PREX2: variants seen among roughly 807,000 people sequenced by gnomAD.
The protein encoded by PREX2 is phosphatidylinositol-3,4,5-trisphosphate dependent Rac exchange factor 2.
PREX2 carries 107 observed loss-of-function variants against 203.2 expected under a neutral mutation model. The ratio of observed to expected loss-of-function variants is 0.53; its 90% CI spans 0.45 to 0.62. The LOEUF (loss-of-function observed/expected upper bound fraction) is 0.62. PREX2 is among the 20% of genes least tolerant of loss of function. The pLI is 0.00. For synonymous variants in PREX2, 672 were observed against 663.6 expected (o/e 1.01, Z -0.19); for missense variants, 1,777 against 1,955.9 (o/e 0.91, Z 1.72).
intron 1 of PREX2, among the ~76,000 whole-genome samples, chr8:67,983,885 T>C (rs1806338195): frequency 1.3e-5 from 2 of 152,176 alleles, no homozygotes; most frequent in South Asian, 4.1e-4. Flanking sequence ...GGGGATGATA[T>C]TGGTCCCAGC....
intron 1 of PREX2, among the ~76,000 whole-genome samples, chr8:68,014,213 T>A (rs1213803690): frequency 1.3e-5 from 2 of 152,212 alleles, no homozygotes; most frequent in Non-Finnish European, 2.9e-5. Context: ...GATAGCAAAT[T>A]TGTGACATTT....
chr8:68,116,986 C>T (rs2129613009), intron 26 of PREX2, among the ~76,000 whole-genome samples: 1 of 152,250 alleles, frequency 6.6e-6, no homozygotes, highest in Admixed American at 6.5e-5. Flanking sequence ...CATAACCAGC[C>T]ACATAAGCTG....
At chr8:68,086,808 T>C (rs1809707588) in intron 18 of PREX2, among the ~76,000 whole-genome samples, 2 of 152,220 alleles carry the variant, frequency 1.3e-5, no homozygotes, top group African/African-American at 4.8e-5. Context: ...GTTTGCCTTC[T>C]GATGTATTAT....
intron 37 of PREX2, among the ~76,000 whole-genome samples, chr8:68,203,572 C>T (rs986107740): frequency 1.3e-5 from 2 of 152,122 alleles, no homozygotes; most frequent in African/African-American, 2.4e-5. Context: ...TTTTAGGGAA[C>T]ACACTTTGGG....
At chr8:68,143,267 C>G (rs1013761854) in intron 33 of PREX2, among the ~76,000 whole-genome samples, 19 of 148,706 alleles carry the variant, frequency 1.3e-4, no homozygotes, top group African/African-American at 4.6e-4. Context: ...GTGCCTTCCC[C>G]CTGGTACTGT....
intron 1 of PREX2, among the ~76,000 whole-genome samples, chr8:67,957,797 G>A (rs924919732): frequency 6.6e-6 from 1 of 152,188 alleles, no homozygotes; most frequent in African/African-American, 2.4e-5. Context: ...GGACTGAATT[G>A]TTTCCCTCCT....
At chr8:68,160,997 C>A (rs1428613675) in intron 35 of PREX2, among the ~76,000 whole-genome samples, 2 of 152,102 alleles carry the variant, frequency 1.3e-5, no homozygotes, top group African/African-American at 4.8e-5. Flanking sequence ...ACCTTATAAA[C>A]AAATCCATCC....
chr8:67,952,969 A>G (rs909427768), intron 1 of PREX2, among the ~76,000 whole-genome samples: 1 of 152,112 alleles, frequency 6.6e-6, no homozygotes, highest in Non-Finnish European at 1.5e-5. Flanking sequence ...ATCCAGGTAC[A>G]CTAAGTTAAA....
At chr8:68,083,424 T>G (rs778691117) in intron 18 of PREX2, 36 bp downstream of exon 18, 10 of 1,485,966 alleles carry the variant, frequency 6.7e-6, no homozygotes, top group Admixed American at 5.5e-5. Context: ...TTTTTAAAAG[T>G]TATACATAGA....
intron 34 of PREX2, among the ~76,000 whole-genome samples, chr8:68,154,997 T>C (rs891296927): frequency 1.3e-5 from 2 of 152,108 alleles, no homozygotes; most frequent in Admixed American, 1.3e-4. Context: ...GCTGGAGAAA[T>C]AGATATTATC....
At position 68,236,492 on chromosome 8, in the gene PREX2, TAACACA is replaced by T. The variant is rs750131012; in HGVS notation, c.*5118_*5123del. 2 of 152,164 alleles carry T rather than the reference TAACACA, an allele frequency of 1.3e-5. No individual in the cohort carries two copies. The highest frequency in any genetic ancestry group is 2.9e-5 in the Non-Finnish European group (2 of 68,020). 9.4% of individuals were successfully genotyped at this position (152,164 alleles called of 1,614,324 possible). ...CTTTTGCTTAAAATGGCATTATTTGTAACACAAACCTAATATCATATATACAAATAT... is the reference window on the plus strand; with the variant it reads ...CTTTTGCTTAAAATGGCATTATTTGTAACCTAATATCATATATACAAATAT... On this transcript the variant is annotated 3_prime_UTR_variant, in exon 40 of 40. Transcript: ENST00000288368.
intron 35 of PREX2, among the ~76,000 whole-genome samples, chr8:68,170,489 C>T (rs1811855257): frequency 6.6e-6 from 1 of 152,222 alleles, no homozygotes. Flanking sequence ...TTGCCACATG[C>T]ATTATAGCCT....
At chr8:68,126,423 A>G (rs544175932) in intron 30 of PREX2, among the ~76,000 whole-genome samples, 3 of 152,232 alleles carry the variant, frequency 2.0e-5, no homozygotes, top group South Asian at 4.1e-4. Flanking sequence ...TTGAGACTCA[A>G]AGTAATTTAG....
chr8:68,096,341 A>T (rs1810071447), intron 21 of PREX2, among the ~76,000 whole-genome samples: 1 of 152,166 alleles, frequency 6.6e-6, no homozygotes, highest in African/African-American at 2.4e-5. Flanking sequence ...TTGTTGTTCT[A>T]AGTAAACTAA....
At chr8:68,093,785 C>T in intron 21 of PREX2, 63 bp downstream of exon 21, 2 of 829,550 alleles carry the variant, frequency 2.4e-6, no homozygotes, top group Non-Finnish European at 2.0e-6. Context: ...CATGTGCCTA[C>T]TCCCAAATAT....
At chr8:68,118,920 T>C (rs1316350379) in intron 27 of PREX2, 1 of 587,404 alleles carries the variant, frequency 1.7e-6, no homozygotes, top group Non-Finnish European at 3.3e-6. Context: ...TGAAGGATTA[T>C]AGGTACACAG....
chr8:67,959,312 T>G (rs750355094), intron 1 of PREX2, among the ~76,000 whole-genome samples: 6 of 152,136 alleles, frequency 3.9e-5, no homozygotes, highest in Non-Finnish European at 5.9e-5. Context: ...CATTGGGGTT[T>G]TAGCTTCAGT....
chr8:68,103,755 G>A (rs75776795), intron 23 of PREX2: 6,095 of 518,934 alleles, frequency 0.012, 162 homozygotes, highest in African/African-American at 0.071. Context: ...GTGGTTCTCC[G>A]TGACCCCACA....
At chr8:68,113,063 T>C (rs1172850437) in intron 25 of PREX2, among the ~76,000 whole-genome samples, 3 of 152,218 alleles carry the variant, frequency 2.0e-5, no homozygotes, top group Non-Finnish European at 2.9e-5. Flanking sequence ...GGTAACTTAA[T>C]ATTTTATACC....
Sources: gnomAD v4.1 joint callset for allele counts (sites outside exome capture counted in the v4.1 genomes callset) on GRCh38, gnomAD v4.1.1 for gene constraint, MANE v1.5 for transcripts, NCBI Gene and HGNC (gene_info 2026-07-23, HGNC 2026-07-21) for gene names.